Variants in NRXN1 observed in about 807,000 individuals in gnomAD.
NRXN1 encodes neurexin-1.
In NRXN1, 39 loss-of-function variants were observed where a neutral mutation model predicts 150.9. The ratio of observed to expected loss-of-function variants is 0.26; its 90% CI spans 0.20 to 0.34. The LOEUF (loss-of-function observed/expected upper bound fraction) is 0.34, where lower values mean the gene tolerates loss of function less well. Among genes scored for constraint, NRXN1 ranks in the 10% least tolerant of loss-of-function variants. The pLI, the probability that NRXN1 is intolerant of heterozygous loss-of-function variation, is 1.00. For missense variants in NRXN1, 1,815 were observed against 1,949.9 expected (o/e 0.93, Z 1.30); for synonymous variants, 924 against 757.0 (o/e 1.22, Z -3.62).
intron 21 of NRXN1, among the ~76,000 whole-genome samples, chr2:50,017,234 C>A (rs1200763728): frequency 6.6e-6 from 1 of 152,076 alleles, no homozygotes; most frequent in Non-Finnish European, 1.5e-5. Flanking sequence ...ATTATTTATG[C>A]CTTATAATAT....
intron 2 of NRXN1, among the ~76,000 whole-genome samples, chr2:50,997,930 T>G (rs1699541298): frequency 7.1e-6 from 1 of 141,632 alleles, no homozygotes; most frequent in Non-Finnish European, 1.5e-5. Flanking sequence ...GTATTTATAT[T>G]TTGAAGTGCC....
intron 2 of NRXN1, among the ~76,000 whole-genome samples, chr2:51,008,300 T>C (rs929035563): frequency 5.9e-5 from 9 of 151,948 alleles, no homozygotes; most frequent in African/African-American, 2.2e-4. Flanking sequence ...ATCCTTTGTG[T>C]ATATGACTCC....
chr2:50,380,777 C>T (rs973929818), intron 17 of NRXN1, among the ~76,000 whole-genome samples: 1 of 152,052 alleles, frequency 6.6e-6, no homozygotes, highest in African/African-American at 2.4e-5. Context: ...CATAACAAAG[C>T]CTGATGTCTA....
At chr2:50,898,772 T>C (rs897242777) in intron 5 of NRXN1, among the ~76,000 whole-genome samples, 6 of 152,066 alleles carry the variant, frequency 3.9e-5, no homozygotes, top group African/African-American at 1.4e-4. Context: ...TTGATGGACA[T>C]CATTAACAGT....
intron 17 of NRXN1, among the ~76,000 whole-genome samples, chr2:50,335,345 G>T (rs1453682094): frequency 1.3e-5 from 2 of 152,168 alleles, no homozygotes; most frequent in Non-Finnish European, 2.9e-5. Context: ...CCACAGTAAA[G>T]GAAGTGACAT....
intron 8 of NRXN1, among the ~76,000 whole-genome samples, chr2:50,557,310 C>T (rs527928684): frequency 2.6e-5 from 4 of 152,260 alleles, no homozygotes; most frequent in African/African-American, 9.6e-5. Context: ...ATGATTAAGA[C>T]TTTTCATTAC....
chr2:50,791,652 T>C (rs1489848809), intron 5 of NRXN1, among the ~76,000 whole-genome samples: 1 of 152,170 alleles, frequency 6.6e-6, no homozygotes, highest in African/African-American at 2.4e-5. Flanking sequence ...TTCAGAGGTT[T>C]CCGTGAAAAA....
chr2:50,225,851 C>A (rs1160352543), intron 18 of NRXN1, among the ~76,000 whole-genome samples: 1 of 151,942 alleles, frequency 6.6e-6, no homozygotes, highest in East Asian at 1.9e-4. Context: ...TTTGGGGTAA[C>A]TGGCCAGTCA....
intron 16 of NRXN1, among the ~76,000 whole-genome samples, chr2:50,466,866 G>C (rs1036547806): frequency 4.0e-5 from 6 of 151,762 alleles, no homozygotes; most frequent in Non-Finnish European, 8.8e-5. Context: ...TGCAGATACA[G>C]TGTAGACTAT....
At chr2:50,335,903 T>C (rs113949516) in intron 17 of NRXN1, among the ~76,000 whole-genome samples, 4 of 151,012 alleles carry the variant, frequency 2.6e-5, no homozygotes, top group Non-Finnish European at 4.4e-5. Flanking sequence ...TTTTTTTTTT[T>C]TCCAGAGCAG....
intron 5 of NRXN1, among the ~76,000 whole-genome samples, chr2:50,737,526 C>T (rs1179878521): frequency 3.3e-5 from 5 of 151,996 alleles, no homozygotes; most frequent in Non-Finnish European, 7.4e-5. Context: ...GGATGTGAAC[C>T]CAGGTTGTAG....
intron 17 of NRXN1, among the ~76,000 whole-genome samples, chr2:50,342,751 G>C (rs945738351): frequency 6.6e-6 from 1 of 152,230 alleles, no homozygotes; most frequent in African/African-American, 2.4e-5. Context: ...ACGGCATAGA[G>C]GACCCTCTTA....
intron 5 of NRXN1, among the ~76,000 whole-genome samples, chr2:50,629,868 T>C (rs1419324947): frequency 6.6e-6 from 1 of 151,636 alleles, no homozygotes; most frequent in Non-Finnish European, 1.5e-5. Context: ...AAAATATATA[T>C]ATACGCTGCT....
chr2:49,948,641 A>G (rs1673380764), intron 21 of NRXN1, among the ~76,000 whole-genome samples: 1 of 151,992 alleles, frequency 6.6e-6, no homozygotes, highest in South Asian at 2.1e-4. Context: ...TAGAAGCTGA[A>G]TTAACTGCAC....
intron 18 of NRXN1, among the ~76,000 whole-genome samples, chr2:50,188,781 G>A (rs2061254308): frequency 1.3e-5 from 2 of 152,078 alleles, no homozygotes; most frequent in Non-Finnish European, 2.9e-5. Context: ...CATCATCACT[G>A]GTCATTAGAA....
chr2:50,755,853 C>G (rs1372574878), intron 5 of NRXN1, among the ~76,000 whole-genome samples: 4 of 151,796 alleles, frequency 2.6e-5, no homozygotes, highest in Non-Finnish European at 5.9e-5. Context: ...GAAGACCAAT[C>G]CTGAAGGTGA....
In NRXN1 at chr2:50,663,537, T is replaced by A. The variant is rs557089039; in HGVS notation, c.833-39922A>T. On this transcript the variant is annotated intron_variant, in intron 5 of 22. Transcript: ENST00000401669. ...TATCTCTTTAGATAAATAGAAAAAA[T>A]TAGAGAAAATGCAAAAACACATGTT... Among the ~76,000 whole-genome samples, 3 of 152,080 alleles carry A rather than the reference T, an allele frequency of 2.0e-5. No homozygotes were observed. The East Asian group carries it at 5.8e-4, about 30-fold the overall frequency.
chr2:50,623,233 G>A, intron 6 of NRXN1, 81 bp downstream of exon 6: 1 of 1,111,262 alleles, frequency 9.0e-7, no homozygotes, highest in Non-Finnish European at 1.3e-6. Flanking sequence ...CCTGTATCAT[G>A]TTGTTAGAGT....
intron 13 of NRXN1, among the ~76,000 whole-genome samples, chr2:50,503,816 A>T (rs2092079793): frequency 6.6e-6 from 1 of 152,164 alleles, no homozygotes; most frequent in African/African-American, 2.4e-5. Context: ...ATTAGTTGAA[A>T]GGGAGAAAAC....
Sources: gnomAD v4.1 joint callset for allele counts (sites outside exome capture counted in the v4.1 genomes callset) on GRCh38, gnomAD v4.1.1 for gene constraint, MANE v1.5 for transcripts, NCBI Gene and HGNC (gene_info 2026-07-23, HGNC 2026-07-21) for gene names.